STK3: variants seen among roughly 807,000 people sequenced by gnomAD.
The protein encoded by STK3 is serine/threonine kinase 3.
In STK3, 41 loss-of-function variants were observed where a neutral mutation model predicts 58.0. The ratio of observed to expected loss-of-function variants is 0.71; its 90% CI spans 0.55 to 0.92. The LOEUF is 0.92. Among genes scored for constraint, STK3 ranks in the 40% least tolerant of loss-of-function variants. STK3 has a pLI of 0.00. For missense variants in STK3, 479 were observed against 602.7 expected, an observed-to-expected ratio of 0.79 and a Z score of 2.15; for synonymous variants, 170 against 191.0, an observed-to-expected ratio of 0.89 and a Z score of 0.91.
upstream of STK3, among the ~76,000 whole-genome samples, chr8:98,826,484 A>G (rs571628853): frequency 1.1e-3 from 175 of 152,292 alleles, no homozygotes; most frequent in African/African-American, 3.9e-3. Context: ...GGGCCCTTGC[A>G]GCTGTCCCAT....
In STK3 at chr8:98,549,042, C is replaced by T. The variant is rs1810952043; in HGVS notation, c.949-881G>A. Among the ~76,000 whole-genome samples the T allele has an allele frequency of 1.3e-5, 2 of 152,144 alleles. 1 individual carries two copies. The highest frequency in any genetic ancestry group is 4.1e-4 in the South Asian group (2 of 4,822). ...CCATTTGGATTGTTGACACCTTTGG[C>T]TACTGTGAATAGTGCTAATGTGAAC... On this transcript the variant is annotated intron_variant, in intron 8 of 10. Coordinates refer to ENST00000419617, the MANE Select transcript of STK3 (RefSeq NM_006281.4).
intron 8 of STK3, 83 bp from the exon 9 acceptor site, chr8:98,548,244 A>G: frequency 1.0e-5 from 11 of 1,078,152 alleles, no homozygotes; most frequent in Non-Finnish European, 2.5e-6. Context: ...TGAATATATT[A>G]TAGTTTTAAT....
chr8:98,850,281 C>T (rs907609114), intron 3 of STK3, among the ~76,000 whole-genome samples: 3 of 152,264 alleles, frequency 2.0e-5, no homozygotes, highest in African/African-American at 4.8e-5. Flanking sequence ...TCAAGCAATC[C>T]TCCCTCCTCA....
chr8:98,920,519 AC>A (rs1839517955), intron 1 of STK3, among the ~76,000 whole-genome samples: 1 of 152,184 alleles, frequency 6.6e-6, no homozygotes, highest in Admixed American at 6.5e-5. Context: ...AAAGCACATT[AC>A]TCATGGCCGG....
intron 6 of STK3, among the ~76,000 whole-genome samples, chr8:98,630,794 A>G (rs1427201322): frequency 1.3e-5 from 2 of 150,828 alleles, no homozygotes; most frequent in Admixed American, 6.6e-5. Flanking sequence ...AGGAAGAGGA[A>G]GAAGAGGAAG....
rs550874928 is a variant in STK3 at position 98,934,741 on chromosome 8, C to A, written c.-79+7637G>T. 5.3e-5 allele frequency among the ~76,000 whole-genome samples: 8 copies of A among 152,102 alleles called. No individual in the cohort carries two copies. In the South Asian group the frequency reaches 8.3e-4, roughly 16 times the overall value. On this transcript the variant is annotated intron_variant, in intron 1 of 1. Transcript: ENST00000519420. The stretch of plus-strand genomic sequence containing the variant: ...GACCAGCCTGGCCAACATGGTGAAA[C>A]CCCGTCTCTACTAAAAATACAAAAA...
At chr8:98,524,113 C>G (rs2131468690) in intron 10 of STK3, among the ~76,000 whole-genome samples, 1 of 152,316 alleles carries the variant, frequency 6.6e-6, no homozygotes, top group South Asian at 2.1e-4. Flanking sequence ...AATGCCTCTT[C>G]TTTGCCCCCA....
the STK3 span, among the ~76,000 whole-genome samples, chr8:98,362,399 C>T: frequency 2.0e-5 from 3 of 152,006 alleles, no homozygotes; most frequent in African/African-American, 7.3e-5. Context: ...CTGCACACTC[C>T]CTTTACAGGT....
At chr8:98,890,608 G>C (rs1322011298) in intron 1 of STK3, among the ~76,000 whole-genome samples, 1 of 152,020 alleles carries the variant, frequency 6.6e-6, no homozygotes, top group Non-Finnish European at 1.5e-5. Context: ...CAGCCACCAG[G>C]GGTCACATAA....
chr8:98,700,597 C>G (rs896767864), intron 6 of STK3, among the ~76,000 whole-genome samples: 2 of 152,222 alleles, frequency 1.3e-5, no homozygotes, highest in Non-Finnish European at 2.9e-5. Flanking sequence ...AGAAAGTTGA[C>G]AAGTGCCTCC....
At chr8:98,654,685 C>A (rs1047352834) in intron 6 of STK3, among the ~76,000 whole-genome samples, 33 of 152,084 alleles carry the variant, frequency 2.2e-4, no homozygotes, top group Middle Eastern at 3.4e-3. Context: ...TCTTATACAC[C>A]AATAACAGAC....
chr8:98,460,400 G>T (rs1299424503), intron 10 of STK3, among the ~76,000 whole-genome samples: 1 of 152,180 alleles, frequency 6.6e-6, no homozygotes, highest in Non-Finnish European at 1.5e-5. Context: ...TAGGCTCTTA[G>T]GTGGAAGGGA....
chr8:98,396,306 AG>A (rs1189381502), intron 3 of STK3, among the ~76,000 whole-genome samples: 73 of 152,376 alleles, frequency 4.8e-4, no homozygotes, highest in East Asian at 3.9e-4. Flanking sequence ...ATAATACAGG[AG>A]CTGAAATTCA....
chr8:98,371,568 A>G (rs1231377494), exon 3 of STK3: 1 of 152,144 alleles, frequency 6.6e-6, no homozygotes, highest in Non-Finnish European at 1.5e-5. Context: ...CAGGAATGTC[A>G]CTCTGATATT....
intron 10 of STK3, among the ~76,000 whole-genome samples, chr8:98,464,267 A>G (rs1049973177): frequency 6.6e-6 from 1 of 152,132 alleles, no homozygotes; most frequent in Non-Finnish European, 1.5e-5. Flanking sequence ...GACTGTTTTG[A>G]GTTTCTTGTG....
intron 6 of STK3, among the ~76,000 whole-genome samples, chr8:98,660,056 G>A (rs139270640): frequency 5.7e-4 from 86 of 151,958 alleles, no homozygotes; most frequent in Non-Finnish European, 1.1e-3. Context: ...TAAACAAAAC[G>A]TGGTATAAAC....
chr8:98,523,440 T>C (rs1406396431), intron 10 of STK3, among the ~76,000 whole-genome samples: 1 of 151,170 alleles, frequency 6.6e-6, no homozygotes, highest in Non-Finnish European at 1.5e-5. Context: ...AATGGCACGA[T>C]CTCGGCTCAC....
chr8:98,740,633 C>T (rs1351922269), intron 4 of STK3, among the ~76,000 whole-genome samples: 1 of 152,130 alleles, frequency 6.6e-6, no homozygotes, highest in African/African-American at 2.4e-5. Context: ...CCAGCCACTG[C>T]AAAATCATGC....
intron 9 of STK3, among the ~76,000 whole-genome samples, chr8:98,539,396 T>G (rs1810043459): frequency 6.6e-6 from 1 of 152,066 alleles, no homozygotes; most frequent in African/African-American, 2.4e-5. Context: ...TACTTCACGA[T>G]TTTGTCTAGG....
Sources: allele counts gnomAD v4.1 joint callset (sites outside exome capture counted in the v4.1 genomes callset), GRCh38; gene constraint gnomAD v4.1.1; transcripts MANE v1.5; gene names NCBI Gene and HGNC (gene_info 2026-07-23, HGNC 2026-07-21).